RYR3: variants seen among roughly 807,000 people sequenced by gnomAD.
RYR3 encodes the protein ryanodine receptor 3, also known as brain ryanodine receptor-calcium release channel.
A neutral mutation model predicts 584.3 loss-of-function variants in RYR3; 207 were observed. The ratio of observed to expected loss-of-function variants is 0.35; its 90% confidence interval spans 0.32 to 0.40. The LOEUF (loss-of-function observed/expected upper bound fraction) is 0.40. RYR3 is among the 10% of genes least tolerant of loss of function. The probability of loss-of-function intolerance (pLI) is 1.00; values close to 1 mark genes in which losing one functional copy is unlikely to be tolerated. For missense variants in RYR3, 5,616 were observed against 6,089.2 expected, an observed-to-expected ratio of 0.92 and a Z score of 2.59; for synonymous variants, 2,416 against 2,248.5, an observed-to-expected ratio of 1.07 and a Z score of -2.11.
chr15:33,762,078 T>A, intron 60 of RYR3, among the ~76,000 whole-genome samples: 1 of 152,048 alleles, frequency 6.6e-6, no homozygotes, highest in East Asian at 1.9e-4. Context: ...CTAAAAACAC[T>A]CAATAAACTA....
intron 52 of RYR3, among the ~76,000 whole-genome samples, chr15:33,743,407 C>G (rs964841798): frequency 3.9e-5 from 6 of 152,206 alleles, no homozygotes; most frequent in Admixed American, 3.9e-4. Flanking sequence ...TGCAACAACT[C>G]CACTTGGCCG....
intron 69 of RYR3, among the ~76,000 whole-genome samples, chr15:33,802,311 C>A (rs1003362123): frequency 9.9e-5 from 15 of 152,192 alleles, no homozygotes; most frequent in African/African-American, 3.4e-4. Context: ...CCTAGAACCA[C>A]CTTTTGATAG....
rs1257632946 is a variant in RYR3, at chr15:33,742,421, C to G, written c.7876C>G (p.His2626Asp). 2 of 1,610,844 alleles carry G rather than the reference C, an allele frequency of 1.2e-6. No individual in the cohort carries two copies. The highest frequency in any genetic ancestry group is 2.2e-5 in the East Asian group (1 of 44,884). ...YIVTKYAEHSHDKWACDKSQS... is the reference protein window; with the variant it reads ...YIVTKYAEHSDDKWACDKSQS... Reference sequence around the variant, plus strand: ...CGTCACCAAGTATGCTGAGCATTCACATGATAAATGGGCCTGTGACAAGGT... The same window carrying G: ...CGTCACCAAGTATGCTGAGCATTCAGATGATAAATGGGCCTGTGACAAGGT... The change falls in exon 52 of 104, where the codon CAT (histidine) becomes GAT (aspartate). Residue 2626 changes from histidine (H) to aspartate (D), a missense_variant. Physicochemically the swap from His to Asp is moderately conservative, Grantham distance 81. This residue lies in a region of RYR3 where 1,280 missense variants were observed against 1,426.2 expected (regional missense o/e 0.90). Coordinates refer to ENST00000634891, the MANE Select transcript of RYR3 (RefSeq NM_001036.6).
At chr15:33,680,888 G>A (rs925167853) in intron 38 of RYR3, among the ~76,000 whole-genome samples, 3 of 152,186 alleles carry the variant, frequency 2.0e-5, no homozygotes, top group Non-Finnish European at 4.4e-5. Flanking sequence ...ACATGCAGCC[G>A]GTTCTGGCTC....
intron 75 of RYR3, 139 bp downstream of exon 75, chr15:33,817,097 AG>A (rs1318559616): frequency 3.7e-6 from 2 of 543,168 alleles, no homozygotes; most frequent in African/African-American, 2.3e-5. Flanking sequence ...GTAAGTGCTC[AG>A]GGGAGGCCCT....
chr15:33,506,209 T>G (rs1469134689), intron 3 of RYR3, among the ~76,000 whole-genome samples: 1 of 152,206 alleles, frequency 6.6e-6, no homozygotes, highest in Non-Finnish European at 1.5e-5. Context: ...TTAATAAAAT[T>G]GAGCTCTTCA....
At chr15:33,382,435 T>C (rs780142256) in intron 1 of RYR3, among the ~76,000 whole-genome samples, 1 of 149,004 alleles carries the variant, frequency 6.7e-6, no homozygotes, top group Non-Finnish European at 1.5e-5. Context: ...GCAATTCTCC[T>C]GTCTCAGCCT....
chr15:33,686,211 A>G (rs146406018), intron 38 of RYR3, among the ~76,000 whole-genome samples: 6 of 152,328 alleles, frequency 3.9e-5, no homozygotes, highest in African/African-American at 1.4e-4. Context: ...AGAAGAATCA[A>G]ATAGACGCAA....
At chr15:33,600,558 C>CT (rs2059608238) in intron 16 of RYR3, among the ~76,000 whole-genome samples, 1 of 152,004 alleles carries the variant, frequency 6.6e-6, no homozygotes, top group Admixed American at 6.6e-5. Flanking sequence ...CAGACAGAGA[C>CT]TGTTTTGCAG....
chr15:33,722,401 C>T, intron 43 of RYR3: 1 of 368,202 alleles, frequency 2.7e-6, no homozygotes. Context: ...AATGGTGGAT[C>T]TTAATACTTT....
Position 33,738,579 on chromosome 15 carries a change from C to T in RYR3, c.7645C>T (p.Leu2549Phe), listed in dbSNP as rs1298278523. Residue 2549 changes from leucine (L) to phenylalanine (F), a missense_variant, in exon 50 of 104, where the codon CTC becomes TTC. Leu to Phe is a conservative substitution (Grantham distance 22). Coordinates refer to ENST00000634891, the MANE Select transcript of RYR3 (RefSeq NM_001036.6). ...EKLFWGIFDSLSHKKYDPDLF... is the reference protein window; with the variant it reads ...EKLFWGIFDSFSHKKYDPDLF... ...GCTTTTCTGGGGGATTTTTGACTCG[C>T]TCTCCCATAAGGTAATGACAGTACT... The T allele has an allele frequency of 4.3e-6, 7 of 1,613,816 alleles. No individual in the cohort carries two copies. Among genetic ancestry groups the T allele is most frequent in the Non-Finnish European group, 5.9e-6 (7 of 1,179,864 alleles).
intron 35 of RYR3, among the ~76,000 whole-genome samples, chr15:33,663,246 G>A (rs974839228): frequency 1.3e-5 from 2 of 152,160 alleles, no homozygotes; most frequent in African/African-American, 4.8e-5. Flanking sequence ...TTTCAGAAAG[G>A]GAGGCAGCAT....
intron 3 of RYR3, among the ~76,000 whole-genome samples, chr15:33,522,129 G>A (rs942642705): frequency 2.6e-5 from 4 of 150,946 alleles, no homozygotes; most frequent in Admixed American, 6.6e-5. Context: ...CAGGTGTGGT[G>A]GTGTGAGCCT....
chr15:33,379,687 C>CTCTCTCTCTATATATA, intron 1 of RYR3, among the ~76,000 whole-genome samples: 5 of 125,500 alleles, frequency 4.0e-5, no homozygotes, highest in African/African-American at 1.1e-4. Context: ...CTCTCTCTCT[C>CTCTCTCTCTATATATA]TATATATATA....
intron 1 of RYR3, among the ~76,000 whole-genome samples, chr15:33,361,296 G>A (rs1974736430): frequency 6.6e-6 from 1 of 152,166 alleles, no homozygotes; most frequent in Non-Finnish European, 1.5e-5. Flanking sequence ...TTATTACAAA[G>A]GATAGAATCC....
intron 1 of RYR3, among the ~76,000 whole-genome samples, chr15:33,460,761 T>G (rs1170353168): frequency 6.6e-6 from 1 of 151,874 alleles, no homozygotes; most frequent in African/African-American, 2.4e-5. Context: ...TGGAACAGAA[T>G]TTTTAGGAGT....
intron 94 of RYR3, chr15:33,850,369 A>G (rs4780185): frequency 0.88 from 133,781 of 151,494 alleles, 59,381 homozygotes; most frequent in Non-Finnish European, 0.93. Context: ...GCGACAGAGC[A>G]AGACTTCATC....
At chr15:33,576,932 A>T (rs1376710561) in intron 12 of RYR3, among the ~76,000 whole-genome samples, 1 of 152,202 alleles carries the variant, frequency 6.6e-6, no homozygotes, top group Non-Finnish European at 1.5e-5. Flanking sequence ...CAGGATACAA[A>T]ATCAATGTGC....
At chr15:33,464,185 A>G (rs566116991) in intron 1 of RYR3, among the ~76,000 whole-genome samples, 1 of 152,066 alleles carries the variant, frequency 6.6e-6, no homozygotes, top group African/African-American at 2.4e-5. Context: ...AATATTAAGC[A>G]AGATTGGAAA....
Sources: gnomAD v4.1 joint callset for allele counts (sites outside exome capture counted in the v4.1 genomes callset) on GRCh38, gnomAD v4.1.1 for gene constraint, gnomAD v4.1.1 regional missense constraint, MANE v1.5 for transcripts, NCBI Gene and HGNC (gene_info 2026-07-23, HGNC 2026-07-21) for gene names.